The following KLHL29 variants were observed in gnomAD, a reference collection of about 807,000 sequenced individuals.
KLHL29 encodes kelch like family member 29, also known as kelch-like protein 29.
KLHL29 carries 21 observed loss-of-function variants against 80.4 expected under a neutral mutation model. That is an observed-to-expected ratio of 0.26 (90% CI 0.19 to 0.38). The LOEUF is 0.38. KLHL29 is among the 10% of genes least tolerant of loss of function. The pLI, the probability that KLHL29 is intolerant of heterozygous loss-of-function variation, is 1.00. For synonymous variants in KLHL29, 511 were observed against 526.8 expected (o/e 0.97, Z 0.41); for missense variants, 867 against 1,223.9 (o/e 0.71, Z 4.35).
intron 3 of KLHL29, among the ~76,000 whole-genome samples, chr2:23,634,560 T>G (rs1423934494): frequency 2.0e-5 from 3 of 152,210 alleles, no homozygotes; most frequent in Middle Eastern, 3.4e-3. Flanking sequence ...TTCTAGTTTC[T>G]CCAGGAGACT....
intron 1 of KLHL29, among the ~76,000 whole-genome samples, chr2:23,401,453 A>C (rs1265377698): frequency 1.3e-5 from 2 of 152,128 alleles, no homozygotes; most frequent in Admixed American, 1.3e-4. Flanking sequence ...TTTCTAAAGG[A>C]CTTCTTCTGA....
chr2:23,529,920 C>T (rs1386398518), intron 2 of KLHL29, among the ~76,000 whole-genome samples: 4 of 152,240 alleles, frequency 2.6e-5, no homozygotes, highest in East Asian at 3.9e-4. Flanking sequence ...TGAGAGGCCA[C>T]GGCTTGTCAC....
At chr2:23,508,790 C>G (rs1273261782) in intron 2 of KLHL29, among the ~76,000 whole-genome samples, 1 of 152,240 alleles carries the variant, frequency 6.6e-6, no homozygotes, top group African/African-American at 2.4e-5. Context: ...AGCAAACCAG[C>G]TCCCAACATC....
At chr2:23,521,851 C>T (rs934046242) in intron 2 of KLHL29, among the ~76,000 whole-genome samples, 4 of 152,194 alleles carry the variant, frequency 2.6e-5, no homozygotes, top group African/African-American at 4.8e-5. Flanking sequence ...TGCAATGATG[C>T]ATCAATACTC....
chr2:23,444,034 A>G (rs1056348424), intron 1 of KLHL29, among the ~76,000 whole-genome samples: 2 of 152,142 alleles, frequency 1.3e-5, no homozygotes, highest in African/African-American at 4.8e-5. Flanking sequence ...GGAAGACCTC[A>G]TGTCTCTCTT....
intron 5 of KLHL29, among the ~76,000 whole-genome samples, chr2:23,650,596 C>G (rs1572466632): frequency 6.6e-6 from 1 of 152,186 alleles, no homozygotes; most frequent in Admixed American, 6.5e-5. Context: ...ACTGGTCTTG[C>G]AAGGTGAAGA....
chr2:23,515,575 T>C (rs1665896432), intron 2 of KLHL29, among the ~76,000 whole-genome samples: 1 of 152,174 alleles, frequency 6.6e-6, no homozygotes, highest in African/African-American at 2.4e-5. Context: ...TATAACAAAC[T>C]GTAAAGGTCC....
At chr2:23,488,308 G>A (rs1664989170) in intron 2 of KLHL29, among the ~76,000 whole-genome samples, 2 of 152,272 alleles carry the variant, frequency 1.3e-5, no homozygotes, top group East Asian at 1.9e-4. Flanking sequence ...AAGGCAGAGA[G>A]GGGGGCCCAG....
At chr2:23,429,951 T>C (rs1663124230) in intron 1 of KLHL29, among the ~76,000 whole-genome samples, 1 of 152,202 alleles carries the variant, frequency 6.6e-6, no homozygotes. Context: ...ATTAACTACT[T>C]GAATCTTCTC....
Position 23,647,568 on chromosome 2 carries a change from C to T in KLHL29, c.940+4718C>T. On this transcript the variant is annotated intron_variant, in intron 5 of 13. Coordinates refer to ENST00000486442, the MANE Select transcript of KLHL29 (RefSeq NM_052920.2). The surrounding 1 kb of genome is among the most constrained non-coding windows in gnomAD (Gnocchi z 4.9). ...TACCCCCACCACCCCACCATCAGGC[C>T]ACCGTCACCTCTGGCCTGCACACTG... Among the ~76,000 whole-genome samples, 1 of 152,142 alleles carries T rather than the reference C, an allele frequency of 6.6e-6. No homozygotes were observed. Among genetic ancestry groups the T allele is most frequent in the East Asian group, 1.9e-4 (1 of 5,190 alleles).
intron 2 of KLHL29, among the ~76,000 whole-genome samples, chr2:23,526,999 C>T (rs766963026): frequency 1.1e-4 from 17 of 152,112 alleles, no homozygotes; most frequent in Non-Finnish European, 1.5e-4. Flanking sequence ...AGTGACCACA[C>T]GGGGCTGGTA....
intron 3 of KLHL29, chr2:23,616,746 C>G (rs1202009508): frequency 1.3e-5 from 2 of 152,280 alleles, no homozygotes; most frequent in Middle Eastern, 3.4e-3. Flanking sequence ...AGTGACCTGT[C>G]CAAGGACACA....
intron 3 of KLHL29, among the ~76,000 whole-genome samples, chr2:23,571,095 G>T (rs914482559): frequency 4.1e-4 from 63 of 152,364 alleles, no homozygotes; most frequent in African/African-American, 1.4e-3. Context: ...GGCTTCTCTG[G>T]CAGGACAAGG....
intron 2 of KLHL29, among the ~76,000 whole-genome samples, chr2:23,476,574 T>C (rs1481184090): frequency 6.6e-6 from 1 of 152,170 alleles, no homozygotes; most frequent in Non-Finnish European, 1.5e-5. Flanking sequence ...GAAATCTATA[T>C]CACCATTTTT....
intron 2 of KLHL29, among the ~76,000 whole-genome samples, chr2:23,529,311 T>C (rs1229471342): frequency 6.6e-6 from 1 of 152,048 alleles, no homozygotes; most frequent in African/African-American, 2.4e-5. Flanking sequence ...ATGGGGGTCT[T>C]GCTATGTTGC....
chr2:23,623,537 A>G (rs1393835066), intron 3 of KLHL29, among the ~76,000 whole-genome samples: 2 of 152,228 alleles, frequency 1.3e-5, no homozygotes, highest in African/African-American at 4.8e-5. Context: ...AGGAAAGCTC[A>G]AAGTGGCCAT....
chr2:23,577,331 A>G (rs1667868685), intron 3 of KLHL29, among the ~76,000 whole-genome samples: 1 of 152,056 alleles, frequency 6.6e-6, no homozygotes, highest in Non-Finnish European at 1.5e-5. Context: ...TGAGTCTTTA[A>G]TCTCAGCTGC....
intron 3 of KLHL29, among the ~76,000 whole-genome samples, chr2:23,565,264 A>G (rs1173239656): frequency 1.3e-5 from 2 of 152,014 alleles, no homozygotes; most frequent in African/African-American, 4.8e-5. Flanking sequence ...GGGTTTCACC[A>G]TGTTGGCCAG....
chr2:23,697,495 A>G (rs2149215678), intron 11 of KLHL29: 1 of 152,564 alleles, frequency 6.6e-6, no homozygotes, highest in Non-Finnish European at 1.5e-5. Flanking sequence ...GCCATGTGTC[A>G]CCAGAAAGCA....
Sources: allele counts gnomAD v4.1 joint callset (sites outside exome capture counted in the v4.1 genomes callset), GRCh38; gene constraint gnomAD v4.1.1; non-coding constraint Gnocchi (gnomAD v3.1); transcripts MANE v1.5; gene names NCBI Gene and HGNC (gene_info 2026-07-23, HGNC 2026-07-21).